Variants in TTC27 observed in about 807,000 individuals in gnomAD.
The protein encoded by TTC27 is tetratricopeptide repeat protein 27.
TTC27 carries 79 observed loss-of-function variants against 115.9 expected under a neutral mutation model. That is an observed-to-expected ratio of 0.68 (90% confidence interval 0.57 to 0.82). The LOEUF is 0.82. TTC27 is among the 40% of genes least tolerant of loss of function. TTC27 has a pLI of 0.00. For missense variants in TTC27, 1,054 were observed against 993.1 expected (o/e 1.06, Z -0.82); for synonymous variants, 401 against 356.0 (o/e 1.13, Z -1.42).
intron 13 of TTC27, among the ~76,000 whole-genome samples, chr2:32,777,452 C>T (rs1445541181): frequency 1.3e-5 from 2 of 152,198 alleles, no homozygotes; most frequent in Non-Finnish European, 2.9e-5. Context: ...ACTTGTGGTA[C>T]CTAACACAGT....
Position 32,793,774 on chromosome 2 carries a change from C to T in TTC27, c.1998+6625C>T, listed in dbSNP as rs186641584. 1.4e-3 allele frequency among the ~76,000 whole-genome samples: 209 copies of T among 152,248 alleles called. 2 individuals are homozygous for T. The highest frequency in any genetic ancestry group is 4.9e-3 in the African/African-American group (202 of 41,552). ...CTGACCTCAGGTGAGCCATCCACCT[C>T]GGCCTCCCAAAGTGCTGGGATTACA... On this transcript the variant is annotated intron_variant, in intron 16 of 19. Transcript: ENST00000317907.
At chr2:32,678,968 A>G in intron 9 of TTC27, 46 bp downstream of exon 9, 1 of 1,518,906 alleles carries the variant, frequency 6.6e-7, no homozygotes, top group Non-Finnish European at 9.1e-7. Context: ...TTCCTGGTAA[A>G]TTACTTCCTC....
At chr2:32,674,333 T>TG (rs1449012905) in intron 8 of TTC27, among the ~76,000 whole-genome samples, 5 of 151,988 alleles carry the variant, frequency 3.3e-5, no homozygotes, top group Non-Finnish European at 4.4e-5. Flanking sequence ...GTATTTTTAG[T>TG]AGAGACGGGG....
chr2:32,770,570 A>C (rs1669793202), intron 13 of TTC27, among the ~76,000 whole-genome samples: 1 of 152,192 alleles, frequency 6.6e-6, no homozygotes, highest in South Asian at 2.1e-4. Flanking sequence ...TCAGAAGCAA[A>C]GTGAGAATGT....
chr2:32,697,203 A>AAC (rs56206358), intron 9 of TTC27, among the ~76,000 whole-genome samples: 4 of 149,454 alleles, frequency 2.7e-5, no homozygotes, highest in Non-Finnish European at 6.0e-5. Flanking sequence ...AAAAAAAAAA[A>AAC]CAAACAAAAA....
intron 10 of TTC27, among the ~76,000 whole-genome samples, chr2:32,731,716 A>G (rs1668299346): frequency 6.6e-6 from 1 of 152,008 alleles, no homozygotes; most frequent in Non-Finnish European, 1.5e-5. Context: ...AGGTTTTTGT[A>G]TGGGGGCTTA....
At chr2:32,662,599 G>T (rs1442224684) in intron 5 of TTC27, among the ~76,000 whole-genome samples, 2 of 152,144 alleles carry the variant, frequency 1.3e-5, no homozygotes, top group African/African-American at 4.8e-5. Flanking sequence ...GTATTTCTGT[G>T]GGATCAGTGG....
intron 16 of TTC27, among the ~76,000 whole-genome samples, chr2:32,788,711 T>C (rs1670430007): frequency 6.6e-6 from 1 of 152,146 alleles, no homozygotes; most frequent in South Asian, 2.1e-4. Context: ...GCTTTTTGGA[T>C]CTTGAGAAAA....
chr2:32,751,067 G>C (rs780090794), intron 12 of TTC27, among the ~76,000 whole-genome samples: 6 of 152,068 alleles, frequency 3.9e-5, no homozygotes, highest in Non-Finnish European at 5.9e-5. Flanking sequence ...GGTGTTGTCT[G>C]GTTATTGTGT....
chr2:32,820,101 T>G (rs1671631906), intron 19 of TTC27, among the ~76,000 whole-genome samples: 1 of 152,248 alleles, frequency 6.6e-6, no homozygotes, highest in Non-Finnish European at 1.5e-5. Context: ...GCAAGCTACA[T>G]AAATGATATT....
chr2:32,702,919 A>G lies in TTC27; in HGVS notation c.1232A>G (p.Gln411Arg). The G allele has an allele frequency of 2.5e-6, 4 of 1,611,444 alleles. No individual in the cohort carries two copies. Among genetic ancestry groups the G allele is most frequent in the Non-Finnish European group, 3.4e-6 (4 of 1,177,702 alleles). ...RRVERAMRQT[Q>R]ALADQFEDKT... is the part of the protein sequence containing the mutation. ...GTGGAACGGGCAATGAGGCAGACAC[A>G]GGTAAGAATTAATGTGGCAATTTGT... The change falls in exon 10 of 20, where the codon CAG (glutamine) becomes CGG (arginine). Residue 411 changes from glutamine (Q) to arginine (R), a missense_variant and splice_region_variant. Physicochemically the swap from Gln to Arg is conservative, Grantham distance 43 (BLOSUM62 1). Transcript: ENST00000317907.
At chr2:32,728,765 A>G (rs1359869302) in intron 10 of TTC27, among the ~76,000 whole-genome samples, 1 of 152,188 alleles carries the variant, frequency 6.6e-6, no homozygotes, top group African/African-American at 2.4e-5. Context: ...CTGGGTTCAC[A>G]ATAAGTTTAA....
chr2:32,677,278 C>G (rs1406248055), intron 8 of TTC27, among the ~76,000 whole-genome samples: 1 of 151,844 alleles, frequency 6.6e-6, no homozygotes, highest in African/African-American at 2.4e-5. Context: ...TTGTCGTTTT[C>G]CTTTTGGGCA....
chr2:32,717,252 G>A (rs1041183436), intron 10 of TTC27, among the ~76,000 whole-genome samples: 1 of 152,050 alleles, frequency 6.6e-6, no homozygotes. Flanking sequence ...GGGATTACAG[G>A]CATGAGCCAC....
At chr2:32,789,921 CAAAAAAAAAA>C (rs34859954) in intron 16 of TTC27, among the ~76,000 whole-genome samples, 6 of 25,960 alleles carry the variant, frequency 2.3e-4, no homozygotes, top group Admixed American at 2.2e-3. Flanking sequence ...ACCCTGTCTC[CAAAAAAAAAA>C]AAAAAAAAAA....
In TTC27 at chr2:32,731,679, G is replaced by T. The variant is rs186874853; in HGVS notation, c.1234-2149G>T. ...GCACCCAACCTAGAGTTCTGTTTTTGATCTTTATCATGCATATGGCTTAAT... is the reference window on the plus strand; with the variant it reads ...GCACCCAACCTAGAGTTCTGTTTTTTATCTTTATCATGCATATGGCTTAAT... On this transcript the variant is annotated intron_variant, in intron 10 of 19. Coordinates refer to ENST00000317907, the MANE Select transcript of TTC27 (RefSeq NM_017735.5). Among the ~76,000 whole-genome samples, 422 of 152,240 alleles carry T rather than the reference G, an allele frequency of 2.8e-3. 2 individuals carry two copies. Among genetic ancestry groups the T allele is most frequent in the Non-Finnish European group, 4.7e-3 (322 of 68,010 alleles).
intron 10 of TTC27, among the ~76,000 whole-genome samples, chr2:32,717,565 C>A (rs921034279): frequency 1.3e-5 from 2 of 151,594 alleles, no homozygotes; most frequent in Non-Finnish European, 2.9e-5. Context: ...TTTTGTATTG[C>A]CTCATTGTGT....
chr2:32,814,343 G>A (rs749680787), intron 18 of TTC27, among the ~76,000 whole-genome samples: 1 of 152,196 alleles, frequency 6.6e-6, no homozygotes, highest in Admixed American at 6.5e-5. Context: ...ATTCTTTTAA[G>A]TTCTCCTCTG....
chr2:32,672,139 A>G, intron 7 of TTC27, 133 bp from the exon 8 acceptor site: 1 of 590,912 alleles, frequency 1.7e-6, no homozygotes, highest in Non-Finnish European at 3.0e-6. Context: ...TGTGTTTCAC[A>G]AGAAATAGCC....
Sources: allele counts gnomAD v4.1 joint callset (sites outside exome capture counted in the v4.1 genomes callset), GRCh38; gene constraint gnomAD v4.1.1; transcripts MANE v1.5; gene names NCBI Gene and HGNC (gene_info 2026-07-23, HGNC 2026-07-21).